CCNT2: variants seen among roughly 807,000 people sequenced by gnomAD.
CCNT2 encodes the protein cyclin-T2.
Under a neutral mutation model 70.0 loss-of-function variants are expected in CCNT2, and 18 were observed. The observed-to-expected ratio is 0.26, with a 90% CI of 0.18 to 0.38. CCNT2 has a LOEUF of 0.38. Ranked by LOEUF, CCNT2 falls within the 10% of genes least tolerant of loss-of-function variation. CCNT2 has a pLI of 1.00. For synonymous variants in CCNT2, 334 were observed against 313.3 expected, an observed-to-expected ratio of 1.07 and a Z score of -0.70; for missense variants, 734 against 890.2, an observed-to-expected ratio of 0.82 and a Z score of 2.23.
rs1233093636 is a variant in CCNT2, at chr2:134,944,063, C to G, written c.493+1389C>G. The G allele has an allele frequency of 3.0e-6, 3 of 984,854 alleles. No homozygotes were observed. In the African/African-American group the frequency reaches 5.2e-5, roughly 17 times the overall value. The allele number at this position is 984,854 out of a possible 1,614,324, so 61.0% of individuals were successfully genotyped here. ...CATTAGGAAGTAGACATCTGAAAAT[C>G]TAATTTGTATTTTTTTGTAGTAGCA... On this transcript the variant is annotated intron_variant, in intron 5 of 8. Coordinates refer to ENST00000264157, the MANE Select transcript of CCNT2 (RefSeq NM_058241.3).
chr2:134,945,006 C>A, intron 5 of CCNT2: 1 of 985,370 alleles, frequency 1.0e-6, no homozygotes, highest in South Asian at 4.7e-5. Flanking sequence ...TGCTACTTTG[C>A]TGCAGAATTG....
At chr2:134,937,014 C>G in intron 3 of CCNT2, 45 bp downstream of exon 3, 1 of 1,469,348 alleles carries the variant, frequency 6.8e-7, no homozygotes, top group South Asian at 1.2e-5. Context: ...AAATTTGAAA[C>G]TTTTTCATAA....
chr2:134,937,030 G>T (rs1029003557), intron 3 of CCNT2, 61 bp downstream of exon 3: 23 of 1,279,756 alleles, frequency 1.8e-5, no homozygotes, highest in Non-Finnish European at 2.0e-5. Flanking sequence ...CATAATGTAG[G>T]CCTAACAAAA....
At chr2:134,953,139 A>G in intron 8 of CCNT2, 91 bp from the exon 9 acceptor site, 1 of 819,972 alleles carries the variant, frequency 1.2e-6, no homozygotes, top group Non-Finnish European at 1.9e-6. Flanking sequence ...TTTAATATAT[A>G]ATGTTTTTAA....
intron 2 of CCNT2, among the ~76,000 whole-genome samples, chr2:134,928,315 G>A (rs1214309844): frequency 1.1e-5 from 1 of 89,656 alleles, no homozygotes; most frequent in East Asian, 3.4e-4. Flanking sequence ...TTTCATTCTT[G>A]TTGCCCAGGC....
At chr2:134,919,651 T>A (rs1573760782) in intron 1 of CCNT2, among the ~76,000 whole-genome samples, 159 bp from the exon 2 acceptor site, 2 of 152,164 alleles carry the variant, frequency 1.3e-5, no homozygotes, top group South Asian at 4.1e-4. Flanking sequence ...ATTCTCTTCC[T>A]GCCGCCCCAC....
rs147098710 is a variant in CCNT2, at chr2:134,953,016, G to A, written c.775-214G>A. On this transcript the variant is annotated intron_variant, in intron 8 of 8. Transcript: ENST00000264157. ...GAAGTGCTGGGCTAGGATTTAACTT[G>A]TATCTGATTCTAAAATGGGTGTTTT... 3 of 498,288 alleles carry A rather than the reference G, an allele frequency of 6.0e-6. No homozygotes were observed. The East Asian group carries it at 9.5e-5, about 16-fold the overall frequency. The allele number at this position is 498,288 out of a possible 1,614,324, so 30.9% of individuals were successfully genotyped here. A position where few individuals can be genotyped will look rare whatever the true frequency, so the allele number is the denominator to read the frequency against.
intron 5 of CCNT2, chr2:134,944,050 G>A (rs1681768582): frequency 2.0e-6 from 2 of 985,054 alleles, no homozygotes; most frequent in Middle Eastern, 5.2e-4. Context: ...TTAGGAAGTA[G>A]ACATCTGAAA....
intron 3 of CCNT2, 109 bp downstream of exon 3, chr2:134,937,078 T>C: frequency 1.5e-6 from 1 of 667,754 alleles, no homozygotes. Flanking sequence ...CAAATGCTGC[T>C]TGTTTTATTA....
At chr2:134,934,298 A>G (rs1680996263) in intron 2 of CCNT2, among the ~76,000 whole-genome samples, 1 of 152,200 alleles carries the variant, frequency 6.6e-6, no homozygotes, top group Admixed American at 6.5e-5. Context: ...ACTGAATCTC[A>G]GTTTGTAATT....
At position 134,953,340 on chromosome 2, in the gene CCNT2, G is replaced by T. The variant is rs2105090725; in HGVS notation, c.885G>T (p.Val295=). The T allele has an allele frequency of 6.2e-7, 1 of 1,608,638 alleles. No individual in the cohort carries two copies. The highest frequency in any genetic ancestry group is 2.2e-5 in the East Asian group (1 of 44,622). ...TTTTAGTAGATAGTGTCACTGGTGT[G>T]CCTACAAACCCAAGTTTTCAGAAAC... ...NSILVDSVTG[V]PTNPSFQKPS... Residue 295 remains valine, a synonymous_variant, in exon 9 of 9, where the codon GTG becomes GTT. Transcript: ENST00000264157.
Position 134,954,615 on chromosome 2 carries a change from C to A in CCNT2, c.2160C>A (p.Asp720Glu), listed in dbSNP as rs748295924. 4 of 1,611,864 alleles carry A rather than the reference C, an allele frequency of 2.5e-6. No individual in the cohort carries two copies. The highest frequency in any genetic ancestry group is 3.4e-6 in the Non-Finnish European group (4 of 1,178,132). ...ACAAAGACACATTCGACATGCTGGA[C>A]TCACTGTTAAGTGCCCAAGGAATGA... ...MDYKDTFDML[D>E]SLLSAQGMNM is the part of the protein sequence containing the mutation. Residue 720 changes from aspartate (D) to glutamate (E), a missense_variant, in exon 9 of 9, where the codon GAC becomes GAA. Physicochemically the swap from Asp to Glu is conservative, Grantham distance 45 (BLOSUM62 2). Coordinates refer to ENST00000264157, the MANE Select transcript of CCNT2 (RefSeq NM_058241.3).
chr2:134,948,002 AAAC>A (rs1360956897), intron 7 of CCNT2, 103 bp downstream of exon 7: 1 of 600,962 alleles, frequency 1.7e-6, no homozygotes, highest in East Asian at 3.1e-5. Flanking sequence ...AACAGAATGA[AAAC>A]AACAATTCAT....
intron 7 of CCNT2, among the ~76,000 whole-genome samples, chr2:134,949,856 C>T (rs1312812104): frequency 1.3e-5 from 2 of 149,414 alleles, no homozygotes; most frequent in South Asian, 2.1e-4. Flanking sequence ...AGTGCGGTGG[C>T]GCAATCTCGG....
intron 2 of CCNT2, among the ~76,000 whole-genome samples, chr2:134,926,080 G>A (rs1413210288): frequency 2.0e-5 from 3 of 151,778 alleles, no homozygotes; most frequent in Admixed American, 6.6e-5. Flanking sequence ...TGCCCAGGCC[G>A]TTCTTAAACC....
rs1325162322 is a variant in CCNT2 at position 134,958,870 on chromosome 2, T to C, written c.*4222T>C. 1.3e-5 allele frequency: 2 copies of C among 152,240 alleles called. No homozygotes were observed. Among genetic ancestry groups the C allele is most frequent in the Admixed American group, 6.5e-5 (1 of 15,284 alleles). 9.4% of individuals were successfully genotyped at this position (152,240 alleles called of 1,614,324 possible). A position where few individuals can be genotyped will look rare whatever the true frequency, so the allele number is the denominator to read the frequency against. On this transcript the variant is annotated 3_prime_UTR_variant, in exon 9 of 9. Transcript: ENST00000264157. ...CTGCCTGACAGATTGATTAAGTAGG[T>C]TGATAAGATCCATCGAAGATTGAAT...
intron 2 of CCNT2, among the ~76,000 whole-genome samples, chr2:134,925,674 TTGG>T (rs1680244435): frequency 6.6e-6 from 1 of 152,140 alleles, no homozygotes. Flanking sequence ...TGTTCATCAG[TTGG>T]TGGGCATTTG....
At chr2:134,945,138 A>T in intron 5 of CCNT2, 1 of 985,422 alleles carries the variant, frequency 1.0e-6, no homozygotes, top group Non-Finnish European at 1.2e-6. Context: ...AACTCTGCTA[A>T]ACCCCAATCC....
rs1159701608 is a variant in CCNT2 at position 134,918,906 on chromosome 2, C to T, written c.52C>T (p.Leu18=). 2.5e-6 allele frequency: 4 copies of T among 1,614,046 alleles called. No homozygotes were observed. Among genetic ancestry groups the T allele is most frequent in the Admixed American group, 1.7e-5 (1 of 60,024 alleles). The change falls in exon 1 of 9, where the codon CTG becomes TTG. Residue 18 remains leucine, a synonymous_variant. Transcript: ENST00000264157. ...SSRWFFTREQ[L]ENTPSRRCGV... ...TCGCTGGTTCTTTACTCGGGAACAG[C>T]TGGAGAACACGCCGAGCCGCCGCTG...
Sources: gnomAD v4.1 joint callset for allele counts (sites outside exome capture counted in the v4.1 genomes callset) on GRCh38, gnomAD v4.1.1 for gene constraint, MANE v1.5 for transcripts, NCBI Gene and HGNC (gene_info 2026-07-23, HGNC 2026-07-21) for gene names.